CUL2: variants seen among roughly 807,000 people sequenced by gnomAD.
The protein encoded by CUL2 is cullin 2, also known as cullin-2.
In CUL2, 22 loss-of-function variants were observed where a neutral mutation model predicts 110.2. The ratio of observed to expected loss-of-function variants is 0.20; its 90% CI spans 0.14 to 0.28. The LOEUF (loss-of-function observed/expected upper bound fraction) is 0.28. Among genes scored for constraint, CUL2 ranks in the 10% least tolerant of loss-of-function variants. The pLI, the probability that CUL2 is intolerant of heterozygous loss-of-function variation, is 1.00. For missense variants in CUL2, 631 were observed against 905.5 expected, an observed-to-expected ratio of 0.70 and a Z score of 3.89; for synonymous variants, 279 against 293.2, an observed-to-expected ratio of 0.95 and a Z score of 0.49.
chr10:35,074,136 A>C, intron 1 of CUL2: 1 of 1,507,410 alleles, frequency 6.6e-7, no homozygotes, highest in Non-Finnish European at 8.9e-7. Flanking sequence ...AAAGTTCTTG[A>C]CTTCAAGATC....
intron 2 of CUL2, among the ~76,000 whole-genome samples, chr10:35,064,274 T>C (rs916888478): frequency 6.6e-6 from 1 of 152,104 alleles, no homozygotes; most frequent in African/African-American, 2.4e-5. Context: ...AAACTGGAAA[T>C]AAGGCTGATG....
chr10:35,112,957 G>A (rs931589810), intron 1 of CUL2, among the ~76,000 whole-genome samples: 1 of 151,510 alleles, frequency 6.6e-6, no homozygotes, highest in Non-Finnish European at 1.5e-5. Flanking sequence ...ACTTTGGGAG[G>A]CCAAGGCAGG....
chr10:35,041,320 T>A (rs915046788), intron 8 of CUL2, among the ~76,000 whole-genome samples: 6 of 151,944 alleles, frequency 3.9e-5, no homozygotes, highest in African/African-American at 1.2e-4. Context: ...GAGGCGCATA[T>A]CAAGAGAAAT....
In CUL2 at chr10:35,090,307, C is replaced by G. The variant is rs1320116817; in HGVS notation, c.-151G>C. On this transcript the variant is annotated 5_prime_UTR_variant, in exon 1 of 21. Coordinates refer to ENST00000374749, the MANE Select transcript of CUL2 (RefSeq NM_003591.4). ...CGGCGGCGGCTGTCAGCTCGCGTTC[C>G]CCTGCTCACAGCGCTGCCATTACTG... 6.4e-6 allele frequency: 1 copy of G among 155,296 alleles called. No individual in the cohort carries two copies. Among genetic ancestry groups the G allele is most frequent in the East Asian group, 1.9e-4 (1 of 5,300 alleles). The allele number at this position is 155,296 out of a possible 1,614,324, so 9.6% of individuals were successfully genotyped here. A position where few individuals can be genotyped will look rare whatever the true frequency, so the allele number is the denominator to read the frequency against.
chr10:35,073,990 C>T, intron 1 of CUL2: 1 of 701,506 alleles, frequency 1.4e-6, no homozygotes, highest in Non-Finnish European at 2.6e-6. Flanking sequence ...GTAATGGTGG[C>T]ATCAGGATTC....
chr10:35,074,988 TCTC>T (rs2086778099), intron 1 of CUL2, among the ~76,000 whole-genome samples: 1 of 152,232 alleles, frequency 6.6e-6, no homozygotes, highest in Non-Finnish European at 1.5e-5. Context: ...ACATTCGCTT[TCTC>T]CTCTTATAAA....
chr10:35,023,363 A>G (rs974726082), intron 17 of CUL2, among the ~76,000 whole-genome samples: 1 of 152,234 alleles, frequency 6.6e-6, no homozygotes, highest in African/African-American at 2.4e-5. Flanking sequence ...TTCCAAAGGA[A>G]GTAACTATTT....
At chr10:35,091,781 C>G (rs1200475141), upstream of CUL2, among the ~76,000 whole-genome samples, 2 of 151,986 alleles carry the variant, frequency 1.3e-5, no homozygotes, top group Non-Finnish European at 2.9e-5. Context: ...CCACCACACC[C>G]GGCTAATTTT....
intron 2 of CUL2, among the ~76,000 whole-genome samples, chr10:35,096,875 T>G (rs1215575126): frequency 6.7e-6 from 1 of 150,064 alleles, no homozygotes; most frequent in Admixed American, 6.7e-5. Context: ...AGTGGTGCAA[T>G]CTCAGCTCAC....
At chr10:35,119,323 T>C (rs1589073006) in intron 1 of CUL2, among the ~76,000 whole-genome samples, 2 of 152,138 alleles carry the variant, frequency 1.3e-5, no homozygotes, top group East Asian at 1.9e-4. Flanking sequence ...TAAACAAAGT[T>C]AGAAAAAGAA....
Position 35,103,323 on chromosome 10 carries a change from T to TA in CUL2, c.-50-2264_-50-2263insT, listed in dbSNP as rs1156407445. On this transcript the variant is annotated intron_variant, in intron 1 of 5. Transcript: ENST00000685421. ...GGCCAAGCTAATTTTTTTTTTTTTT[T>TA]TTTTTTTTTATTTTTTTTTGAGACG... Among the ~76,000 whole-genome samples the TA allele has an allele frequency of 1.1e-3, 127 of 112,656 alleles. 1 individual carries two copies. The highest frequency in any genetic ancestry group is 2.0e-3 in the Admixed American group (23 of 11,438). The allele number at this position is 112,656 out of a possible 152,430, so 73.9% of individuals were successfully genotyped here. A position where few individuals can be genotyped will look rare whatever the true frequency, so the allele number is the denominator to read the frequency against.
chr10:35,027,387 G>A (rs530145053), intron 16 of CUL2, among the ~76,000 whole-genome samples: 158 of 151,922 alleles, frequency 1.0e-3, no homozygotes, highest in East Asian at 6.8e-3. Flanking sequence ...CTCATGATCC[G>A]CCCGCCTCGG....
chr10:35,077,921 A>G (rs1489828881), intron 1 of CUL2, among the ~76,000 whole-genome samples: 3 of 152,140 alleles, frequency 2.0e-5, no homozygotes, highest in Non-Finnish European at 4.4e-5. Flanking sequence ...CAGCTTGCTC[A>G]TGAGTTGATA....
intron 1 of CUL2, among the ~76,000 whole-genome samples, chr10:35,103,356 G>T (rs1320409745): frequency 4.8e-5 from 6 of 124,804 alleles, no homozygotes; most frequent in Non-Finnish European, 8.0e-5. Flanking sequence ...ACGGAGTTTC[G>T]CTCTGTCGCC....
At chr10:35,083,721 G>A (rs761425703) in intron 1 of CUL2, among the ~76,000 whole-genome samples, 3 of 152,062 alleles carry the variant, frequency 2.0e-5, no homozygotes, top group East Asian at 3.8e-4. Flanking sequence ...AACCATAGGC[G>A]GGTCACAGTG....
At position 35,033,221 on chromosome 10, in the gene CUL2, T is replaced by C. The variant is rs1343944007; in HGVS notation, c.1055A>G (p.Gln352Arg). ...ACCATTCAAAACAGTGTTGATAAGC[T>C]GAACAAATTTACCATGCACTTCCAA... ...SVLEVHGKFV[Q>R]LINTVLNGDQ... Residue 352 changes from glutamine (Q) to arginine (R), a missense_variant, in exon 11 of 21, where the codon CAG (glutamine) becomes CGG (arginine). Gln to Arg is a conservative substitution (Grantham distance 43, BLOSUM62 1). This residue lies in a region of CUL2 where 338 missense variants were observed against 442.5 expected (regional missense o/e 0.76). Transcript: ENST00000374749. 4.3e-6 allele frequency: 7 copies of C among 1,613,828 alleles called. No homozygotes were observed. The highest frequency in any genetic ancestry group is 3.3e-5 in the Admixed American group (2 of 60,016).
intron 5 of CUL2, among the ~76,000 whole-genome samples, chr10:35,052,549 A>C (rs2086137604): frequency 6.6e-6 from 1 of 152,190 alleles, no homozygotes; most frequent in Non-Finnish European, 1.5e-5. Context: ...AAAATACTTA[A>C]TGAATGAATA....
rs559808140 is a variant in CUL2 at position 35,029,128 on chromosome 10, G to A, written c.1540-241C>T. ...GCTTCAATGCAGTGGCACGATCTCC[G>A]CTCACTGCAACCTCCGCCTCTGGGG... On this transcript the variant is annotated intron_variant, in intron 15 of 20. Coordinates refer to ENST00000374749, the MANE Select transcript of CUL2 (RefSeq NM_003591.4). Among the ~76,000 whole-genome samples, 11 of 149,898 alleles carry A rather than the reference G, an allele frequency of 7.3e-5. No individual in the cohort carries two copies. In the East Asian group the frequency reaches 1.6e-3, roughly 21 times the overall value.
At chr10:35,013,368 G>A (rs1221538024) in intron 19 of CUL2, among the ~76,000 whole-genome samples, 2 of 149,592 alleles carry the variant, frequency 1.3e-5, no homozygotes, top group Non-Finnish European at 3.0e-5. Flanking sequence ...AAAATGAACT[G>A]GAGAACTTTC....
Sources: allele counts gnomAD v4.1 joint callset (sites outside exome capture counted in the v4.1 genomes callset), GRCh38; gene constraint gnomAD v4.1.1; regional missense constraint gnomAD v4.1.1; transcripts MANE v1.5; gene names NCBI Gene and HGNC (gene_info 2026-07-23, HGNC 2026-07-21).